The following SH3GL2 variants were observed in gnomAD, a reference collection of about 807,000 sequenced individuals.
SH3GL2 encodes SH3 domain containing GRB2 like 2, endophilin A1.
Under a neutral mutation model 46.0 loss-of-function variants are expected in SH3GL2, and 24 were observed. That is an observed-to-expected ratio of 0.52 (90% confidence interval 0.38 to 0.73). The LOEUF is 0.73. Ranked by LOEUF, SH3GL2 falls within the 30% of genes least tolerant of loss-of-function variation. The pLI, the probability that SH3GL2 is intolerant of heterozygous loss-of-function variation, is 0.00. For missense variants in SH3GL2, 413 were observed against 424.2 expected (o/e 0.97, Z 0.23); for synonymous variants, 196 against 147.1 (o/e 1.33, Z -2.40).
At chr9:17,683,931 C>A (rs1820838600) in intron 1 of SH3GL2, among the ~76,000 whole-genome samples, 1 of 152,086 alleles carries the variant, frequency 6.6e-6, no homozygotes, top group African/African-American at 2.4e-5. Context: ...ATTGAATCAA[C>A]TCCCCACACT....
intron 1 of SH3GL2, among the ~76,000 whole-genome samples, chr9:17,584,869 A>G (rs1346291545): frequency 6.6e-6 from 1 of 152,220 alleles, no homozygotes; most frequent in Non-Finnish European, 1.5e-5. Flanking sequence ...TTGTTGAAAC[A>G]GCTATATTTT....
rs542828375 is a variant in SH3GL2 at position 17,622,694 on chromosome 9, A to G, written c.45+43407A>G. Among the ~76,000 whole-genome samples, 7 of 152,268 alleles carry G rather than the reference A, an allele frequency of 4.6e-5. No individual in the cohort carries two copies. The South Asian group carries it at 1.5e-3, about 32-fold the overall frequency. On this transcript the variant is annotated intron_variant, in intron 1 of 8. Transcript: ENST00000380607. ...GACCCTGGGTTTGTCTTATTCTCTGAGAAAGTGGGCTGGTAGGTAGGTGCT... is the reference window on the plus strand; with the variant it reads ...GACCCTGGGTTTGTCTTATTCTCTGGGAAAGTGGGCTGGTAGGTAGGTGCT...
At chr9:17,703,704 A>G (rs1821394777) in intron 1 of SH3GL2, among the ~76,000 whole-genome samples, 1 of 152,078 alleles carries the variant, frequency 6.6e-6, no homozygotes, top group South Asian at 2.1e-4. Context: ...GACAAAAACC[A>G]CATGATCATC....
chr9:17,792,676 C>T (rs1563856918), intron 7 of SH3GL2, among the ~76,000 whole-genome samples: 1 of 152,168 alleles, frequency 6.6e-6, no homozygotes, highest in African/African-American at 2.4e-5. Flanking sequence ...GAATAGCTCC[C>T]TTTCACATTT....
chr9:17,612,670 A>G (rs1818895845), intron 1 of SH3GL2, among the ~76,000 whole-genome samples: 1 of 152,194 alleles, frequency 6.6e-6, no homozygotes, highest in East Asian at 1.9e-4. Flanking sequence ...ACTGAGCTAT[A>G]ATTCACATAC....
chr9:17,720,717 C>T (rs531303521), intron 1 of SH3GL2, among the ~76,000 whole-genome samples: 11 of 152,136 alleles, frequency 7.2e-5, no homozygotes, highest in South Asian at 6.2e-4. Flanking sequence ...TATAAGGAAA[C>T]GTAAGAAAAA....
intron 1 of SH3GL2, among the ~76,000 whole-genome samples, chr9:17,632,838 G>C (rs191101972): frequency 1.1e-4 from 17 of 152,306 alleles, no homozygotes; most frequent in African/African-American, 3.8e-4. Context: ...GATTCTGTCA[G>C]GAGCTTCTGC....
chr9:17,771,612 G>A (rs1466898454), intron 3 of SH3GL2, among the ~76,000 whole-genome samples: 3 of 152,218 alleles, frequency 2.0e-5, no homozygotes, highest in Admixed American at 2.0e-4. Context: ...ACTGTTTTAT[G>A]CCCCTGAGGG....
At chr9:17,685,608 T>C (rs1296423159) in intron 1 of SH3GL2, among the ~76,000 whole-genome samples, 1 of 152,106 alleles carries the variant, frequency 6.6e-6, no homozygotes, top group Non-Finnish European at 1.5e-5. Context: ...TTAATCCATC[T>C]TGAATTGATT....
chr9:17,662,015 G>T (rs145261875), intron 1 of SH3GL2, among the ~76,000 whole-genome samples: 1 of 152,128 alleles, frequency 6.6e-6, no homozygotes, highest in East Asian at 1.9e-4. Context: ...AATATACCCA[G>T]TATAATTTTA....
Position 17,761,446 on chromosome 9 carries a change from G to A in SH3GL2, c.124G>A (p.Val42Ile), listed in dbSNP as rs766524994. The change falls in exon 3 of 9, where the codon GTC becomes ATC. Residue 42 changes from valine (V) to isoleucine (I), a missense_variant. Physicochemically the swap from Val to Ile is conservative, Grantham distance 29. Transcript: ENST00000380607. Reference sequence around the variant, plus strand: ...TATTTTCTCATTTCAGAAAGTGGATGTCACCAGCAGGGCTGTGATGGAAAT... The same window carrying A: ...TATTTTCTCATTTCAGAAAGTGGATATCACCAGCAGGGCTGTGATGGAAAT... ...DFKEMERKVD[V>I]TSRAVMEIMT... 1.2e-5 allele frequency: 19 copies of A among 1,602,782 alleles called. No individual in the cohort carries two copies. The highest frequency in any genetic ancestry group is 1.4e-5 in the Non-Finnish European group (16 of 1,169,724).
intron 1 of SH3GL2, chr9:17,653,813 T>C (rs1169850415): frequency 5.4e-6 from 5 of 929,440 alleles, no homozygotes; most frequent in Non-Finnish European, 6.4e-6. Context: ...GCTAGTCTTA[T>C]CAAAGAAGAA....
intron 1 of SH3GL2, among the ~76,000 whole-genome samples, chr9:17,746,225 G>A (rs901169141): frequency 7.9e-5 from 12 of 152,152 alleles, no homozygotes; most frequent in African/African-American, 2.6e-4. Context: ...ACAGGTGCCC[G>A]CCACCACGCC....
At chr9:17,598,651 G>A (rs571207974) in intron 1 of SH3GL2, among the ~76,000 whole-genome samples, 1 of 152,302 alleles carries the variant, frequency 6.6e-6, no homozygotes, top group South Asian at 2.1e-4. Flanking sequence ...CTCTGACCTA[G>A]TAGGTTGGAT....
intron 1 of SH3GL2, among the ~76,000 whole-genome samples, chr9:17,611,748 G>A (rs1166340590): frequency 2.0e-5 from 3 of 152,188 alleles, no homozygotes; most frequent in Non-Finnish European, 2.9e-5. Flanking sequence ...GCTACACCCC[G>A]TCAGGAGGAG....
At chr9:17,651,985 C>G (rs1246797399) in intron 1 of SH3GL2, among the ~76,000 whole-genome samples, 1 of 152,074 alleles carries the variant, frequency 6.6e-6, no homozygotes, top group Non-Finnish European at 1.5e-5. Context: ...AAATTATTAG[C>G]CTTTTCAAAA....
intron 1 of SH3GL2, among the ~76,000 whole-genome samples, chr9:17,721,813 A>T (rs1174357091): frequency 6.6e-6 from 1 of 152,010 alleles, no homozygotes; most frequent in Non-Finnish European, 1.5e-5. Flanking sequence ...CAATTCCCCT[A>T]ATAAATACCC....
intron 1 of SH3GL2, among the ~76,000 whole-genome samples, chr9:17,613,743 G>T (rs1818920136): frequency 1.3e-5 from 2 of 152,194 alleles, no homozygotes; most frequent in African/African-American, 4.8e-5. Flanking sequence ...CCAGCAAGAT[G>T]CTCTAGCCTG....
chr9:17,743,949 A>G (rs1379063210), intron 1 of SH3GL2, among the ~76,000 whole-genome samples: 1 of 152,180 alleles, frequency 6.6e-6, no homozygotes, highest in Non-Finnish European at 1.5e-5. Context: ...TTTAAATGAA[A>G]TTAAATATCA....
Sources: allele counts gnomAD v4.1 joint callset (sites outside exome capture counted in the v4.1 genomes callset), GRCh38; gene constraint gnomAD v4.1.1; transcripts MANE v1.5; gene names NCBI Gene and HGNC (gene_info 2026-07-23, HGNC 2026-07-21).